The following GDAP1 variants were observed in gnomAD, a reference collection of about 807,000 sequenced individuals.
GDAP1 encodes ganglioside-induced differentiation-associated protein 1.
GDAP1 carries 34 observed loss-of-function variants against 40.1 expected under a neutral mutation model. The observed-to-expected ratio is 0.85, with a 90% CI of 0.64 to 1.13. GDAP1 has a LOEUF of 1.13. Ranked by LOEUF, GDAP1 falls within the 50% of genes most tolerant of loss-of-function variation. The pLI is 0.00. For synonymous variants in GDAP1, 170 were observed against 157.4 expected (o/e 1.08, Z -0.60); for missense variants, 374 against 433.7 (o/e 0.86, Z 1.22).
In GDAP1 at chr8:74,360,335, G is replaced by T. The variant is rs187574446; in HGVS notation, c.484+25G>T. The T allele has an allele frequency of 4.8e-5, 76 of 1,588,830 alleles. No individual in the cohort carries two copies. The African/African-American group carries it at 8.3e-4, about 17-fold the overall frequency. On this transcript the variant is annotated intron_variant, in intron 3 of 5. Transcript: ENST00000220822. ...AGTATGTAAACATTTTAAAGACCTG[G>T]AATTCTGTCTGACACTTTCTTTTAA...
intron 2 of GDAP1, among the ~76,000 whole-genome samples, chr8:74,395,485 A>G (rs1412717772): frequency 1.3e-5 from 2 of 152,224 alleles, no homozygotes; most frequent in Non-Finnish European, 2.9e-5. Flanking sequence ...ATCCCTTTGT[A>G]TAAAAGACAA....
chr8:74,473,989 T>C (rs752769744), intron 2 of GDAP1, among the ~76,000 whole-genome samples: 26 of 152,306 alleles, frequency 1.7e-4, no homozygotes, highest in Middle Eastern at 6.8e-3. Flanking sequence ...CTTGAGTTTG[T>C]AGTTCTCATT....
intron 2 of GDAP1, among the ~76,000 whole-genome samples, chr8:74,406,199 A>C (rs1805638840): frequency 6.7e-6 from 1 of 150,282 alleles, no homozygotes; most frequent in African/African-American, 2.5e-5. Flanking sequence ...TAATTCTTAG[A>C]TGCTGAAAGG....
At chr8:74,478,215 C>T (rs1040571633) in intron 2 of GDAP1, among the ~76,000 whole-genome samples, 10 of 152,164 alleles carry the variant, frequency 6.6e-5, no homozygotes, top group Admixed American at 6.5e-4. Context: ...GGCAGAGTGC[C>T]CTCACACTGG....
At position 74,366,026 on chromosome 8, in the gene GDAP1, A is replaced by G. The variant is rs1327099412; in HGVS notation, c.*1659A>G. 2.2e-6 allele frequency: 1 copy of G among 450,392 alleles called. No individual in the cohort carries two copies. The highest frequency in any genetic ancestry group is 7.0e-5 in the East Asian group (1 of 14,380). 27.9% of individuals were successfully genotyped at this position (450,392 alleles called of 1,614,324 possible). On this transcript the variant is annotated 3_prime_UTR_variant, in exon 6 of 6. Transcript: ENST00000220822. ...ACAAGAACTGAGTCGTGAAGAAATA[A>G]GAATTGGATTTTTATAAAAACCTCT...
At chr8:74,422,345 CTTT>C (rs58895804) in intron 2 of GDAP1, among the ~76,000 whole-genome samples, 1,259 of 45,974 alleles carry the variant, frequency 0.027, 21 homozygotes, top group African/African-American at 0.054. Context: ...TTCTTTCTTT[CTTT>C]CTTCCCTTCC....
chr8:74,378,533 G>T (rs1809898106), intron 2 of GDAP1, among the ~76,000 whole-genome samples: 1 of 152,198 alleles, frequency 6.6e-6, no homozygotes, highest in Admixed American at 6.5e-5. Flanking sequence ...TGTTTGATTG[G>T]TTTAGTGGGC....
intron 2 of GDAP1, among the ~76,000 whole-genome samples, chr8:74,474,980 T>C (rs1162409327): frequency 6.6e-6 from 1 of 152,190 alleles, no homozygotes; most frequent in Non-Finnish European, 1.5e-5. Context: ...ATTGTTGGTC[T>C]GTTCAGTCTT....
chr8:74,400,241 G>A (rs1007718429), intron 2 of GDAP1, among the ~76,000 whole-genome samples: 1 of 149,750 alleles, frequency 6.7e-6, no homozygotes, highest in African/African-American at 2.6e-5. Context: ...CTCCTGTGTT[G>A]GGTACATATA....
At position 74,364,130 on chromosome 8, in the gene GDAP1, C is replaced by T. The variant is rs374624466; in HGVS notation, c.840C>T (p.Tyr280=). The T allele has an allele frequency of 1.3e-4, 205 of 1,614,124 alleles. 1 individual carries two copies. Among genetic ancestry groups the T allele is most frequent in the Admixed American group, 2.7e-4 (16 of 60,018 alleles). ...AGCGACCAAACTTGGAAACCTATTA[C>T]GAGCGTGTCTTGAAGAGAAAAACAT... The part of the protein sequence containing the change: ...NGKRPNLETY[Y]ERVLKRKTFN... Residue 280 remains tyrosine (Y), a synonymous_variant, in exon 6 of 6, where the codon TAC becomes TAT. Coordinates refer to ENST00000220822, the MANE Select transcript of GDAP1 (RefSeq NM_018972.4).
intron 2 of GDAP1, among the ~76,000 whole-genome samples, chr8:74,485,018 A>G (rs941533058): frequency 2.0e-5 from 3 of 152,128 alleles, no homozygotes; most frequent in African/African-American, 7.2e-5. Context: ...ACACATTCAC[A>G]TGCAAAACTA....
chr8:74,403,123 G>A lies in GDAP1; in HGVS notation c.165+51802G>A, dbSNP rs369342509. On this transcript the variant is annotated intron_variant, in intron 2 of 2. Coordinates refer to the GDAP1 transcript ENST00000523640. ...TTAAAATAAGCTAATTTTATATCTCGCAGTGATGGGAGAGTCATTCTCTGG... is the reference window on the plus strand; with the variant it reads ...TTAAAATAAGCTAATTTTATATCTCACAGTGATGGGAGAGTCATTCTCTGG... Among the ~76,000 whole-genome samples the A allele has an allele frequency of 1.3e-4, 19 of 149,950 alleles. 2 individuals are homozygous for A. The highest frequency in any genetic ancestry group is 4.3e-4 in the African/African-American group (17 of 39,334).
At position 74,366,665 on chromosome 8, in the gene GDAP1, A is replaced by C. The variant is rs4551344; in HGVS notation, c.*2298A>C. On this transcript the variant is annotated 3_prime_UTR_variant, in exon 6 of 6. Coordinates refer to ENST00000220822, the MANE Select transcript of GDAP1 (RefSeq NM_018972.4). ...GTTGGCTTTTTGTGTCTTAACACACATAAATACTATTGTTATTGCAGCAGA... is the reference window on the plus strand; with the variant it reads ...GTTGGCTTTTTGTGTCTTAACACACCTAAATACTATTGTTATTGCAGCAGA... 11 of 453,564 alleles carry C rather than the reference A, an allele frequency of 2.4e-5. No individual in the cohort carries two copies. In the East Asian group the frequency reaches 7.6e-4, roughly 31 times the overall value. The allele number at this position is 453,564 out of a possible 1,614,324, so 28.1% of individuals were successfully genotyped here.
At chr8:74,381,489 C>G (rs897477318) in intron 2 of GDAP1, among the ~76,000 whole-genome samples, 1 of 152,102 alleles carries the variant, frequency 6.6e-6, no homozygotes, top group African/African-American at 2.4e-5. Flanking sequence ...GGTATGGTGG[C>G]TCATGCCTGT....
rs78102598 is a variant in GDAP1 at position 74,424,049 on chromosome 8, T to A, written c.166-64629T>A. Among the ~76,000 whole-genome samples, 839 of 152,232 alleles carry A rather than the reference T, an allele frequency of 5.5e-3. 9 individuals are homozygous for A. The highest frequency in any genetic ancestry group is 0.019 in the African/African-American group (780 of 41,538). On this transcript the variant is annotated intron_variant, in intron 2 of 2. Coordinates refer to the GDAP1 transcript ENST00000523640. The stretch of plus-strand genomic sequence containing the variant: ...TTCCTAAGTATTTGTGGGGGATTGG[T>A]TCCAGGACTTCTGGTGGATACCAAA...
At chr8:74,440,120 TG>T (rs1806145170) in intron 2 of GDAP1, among the ~76,000 whole-genome samples, 1 of 152,192 alleles carries the variant, frequency 6.6e-6, no homozygotes, top group Non-Finnish European at 1.5e-5. Context: ...ACCTTTCCCA[TG>T]GGAATTCTTC....
At chr8:74,422,305 CTT>C (rs769802275) in intron 2 of GDAP1, among the ~76,000 whole-genome samples, 449 of 37,940 alleles carry the variant, frequency 0.012, 3 homozygotes, top group Non-Finnish European at 0.015. Flanking sequence ...TTCTTTCTTT[CTT>C]TCTTTCTTTC....
At chr8:74,430,352 T>C (rs960355604) in intron 2 of GDAP1, among the ~76,000 whole-genome samples, 2 of 152,208 alleles carry the variant, frequency 1.3e-5, no homozygotes, top group African/African-American at 4.8e-5. Flanking sequence ...TCATTGGATA[T>C]CTACTGGAGT....
rs192260566 is a variant in GDAP1, at chr8:74,413,549, C to T, written c.165+62228C>T. On this transcript the variant is annotated intron_variant, in intron 2 of 2. Coordinates refer to the GDAP1 transcript ENST00000523640. ...AAACAGTCAGAGACTGTGAAAATCA[C>T]CCATTTCCCCCACTCTGTTTTCTCA... Among the ~76,000 whole-genome samples the T allele has an allele frequency of 6.5e-4, 97 of 149,794 alleles. 2 individuals are homozygous for T. In the Middle Eastern group the frequency reaches 0.02, roughly 32 times the overall value.
Sources: allele counts gnomAD v4.1 joint callset (sites outside exome capture counted in the v4.1 genomes callset), GRCh38; gene constraint gnomAD v4.1.1; transcripts MANE v1.5; gene names NCBI Gene and HGNC (gene_info 2026-07-23, HGNC 2026-07-21).